HEATR5B: variants seen among roughly 807,000 people sequenced by gnomAD.
HEATR5B encodes the protein HEAT repeat-containing protein 5B.
A neutral mutation model predicts 224.1 loss-of-function variants in HEATR5B; 156 were observed. The observed-to-expected ratio is 0.70, with a 90% CI of 0.61 to 0.80. The LOEUF (loss-of-function observed/expected upper bound fraction) is 0.80. Ranked by LOEUF, HEATR5B falls within the 30% of genes least tolerant of loss-of-function variation. HEATR5B has a pLI of 0.00. For synonymous variants in HEATR5B, 1,027 were observed against 893.0 expected, an observed-to-expected ratio of 1.15 and a Z score of -2.68; for missense variants, 2,323 against 2,535.5, an observed-to-expected ratio of 0.92 and a Z score of 1.80.
At chr2:37,044,351 C>T (rs948529740) in intron 18 of HEATR5B, among the ~76,000 whole-genome samples, 3 of 152,150 alleles carry the variant, frequency 2.0e-5, no homozygotes, top group Admixed American at 1.3e-4. Flanking sequence ...TAGTTTCATA[C>T]GAATGAAATC....
At chr2:37,028,506 T>C (rs1323449182) in intron 23 of HEATR5B, among the ~76,000 whole-genome samples, 175 bp downstream of exon 23, 1 of 152,166 alleles carries the variant, frequency 6.6e-6, no homozygotes, top group Non-Finnish European at 1.5e-5. Context: ...AAAAGCTCAT[T>C]TGTTTATAAC....
chr2:37,036,459 A>G (rs1170614357), intron 21 of HEATR5B, among the ~76,000 whole-genome samples: 4 of 151,620 alleles, frequency 2.6e-5, no homozygotes, highest in Non-Finnish European at 4.4e-5. Context: ...CTTCAATATC[A>G]TGCCCTTTGT....
At position 37,083,430 on chromosome 2, in the gene HEATR5B, T is replaced by C. The variant is rs1209285237; in HGVS notation, c.-16A>G. On this transcript the variant is annotated 5_prime_UTR_variant, in exon 2 of 36. Transcript: ENST00000233099. ...CTAACTCCATTACGGAAGTTTGAAA[T>C]TCACACCTTAAATTTAACAGAGTAA... 1.2e-6 allele frequency: 2 copies of C among 1,604,332 alleles called. No individual in the cohort carries two copies. Among genetic ancestry groups the C allele is most frequent in the East Asian group, 2.2e-5 (1 of 44,796 alleles).
At chr2:37,055,279 T>G (rs916944976) in intron 16 of HEATR5B, among the ~76,000 whole-genome samples, 1 of 141,782 alleles carries the variant, frequency 7.1e-6, no homozygotes, top group Non-Finnish European at 1.6e-5. Flanking sequence ...AATATTTATG[T>G]TATTTATTAT....
intron 21 of HEATR5B, among the ~76,000 whole-genome samples, chr2:37,037,418 C>T (rs1396277936): frequency 6.6e-6 from 1 of 151,844 alleles, no homozygotes; most frequent in Non-Finnish European, 1.5e-5. Flanking sequence ...GCTGGGATTA[C>T]AGGTGTGAGC....
chr2:37,074,537 C>T (rs1672112736), intron 5 of HEATR5B, among the ~76,000 whole-genome samples: 1 of 152,098 alleles, frequency 6.6e-6, no homozygotes, highest in East Asian at 1.9e-4. Context: ...AAGCACAATC[C>T]ATATAAGAAA....
chr2:36,982,863 TACACACACACACACACACACAC>T (rs3836070), intron 35 of HEATR5B, among the ~76,000 whole-genome samples: 8 of 126,002 alleles, frequency 6.3e-5, no homozygotes, highest in African/African-American at 2.0e-4. Context: ...CAGACACAGA[TACACACACACACACACACACAC>T]ACACACACAC....
chr2:37,036,259 T>G (rs974256070), intron 21 of HEATR5B, among the ~76,000 whole-genome samples: 2 of 152,208 alleles, frequency 1.3e-5, no homozygotes, highest in Non-Finnish European at 1.5e-5. Flanking sequence ...GTTTTATGTA[T>G]GTAGAAAGTC....
Position 37,002,535 on chromosome 2 carries a change from C to T in HEATR5B, c.5088G>A (p.Leu1696=). Residue 1696 remains leucine, a synonymous_variant, in exon 32 of 36, where the codon TTG becomes TTA. Coordinates refer to ENST00000233099, the MANE Select transcript of HEATR5B (RefSeq NM_019024.3). ...DDMEKEACTV[L]GEGGDSGGLI... The stretch of plus-strand genomic sequence containing the variant: ...GACCACCGCTGTCACCTCCTTCTCC[C>T]AATACGGTACAGGCCTCTTTTTCCA... The T allele has an allele frequency of 6.2e-7, 1 of 1,614,104 alleles. No homozygotes were observed. The highest frequency in any genetic ancestry group is 1.1e-5 in the South Asian group (1 of 91,068).
intron 19 of HEATR5B, 90 bp from the exon 20 acceptor site, chr2:37,040,608 T>C: frequency 1.1e-6 from 1 of 888,260 alleles, no homozygotes; most frequent in Non-Finnish European, 1.7e-6. Flanking sequence ...GGTATACTCT[T>C]AATATTTTTA....
intron 33 of HEATR5B, among the ~76,000 whole-genome samples, chr2:36,997,072 T>A (rs1435211772): frequency 2.0e-5 from 3 of 152,210 alleles, no homozygotes; most frequent in Non-Finnish European, 4.4e-5. Flanking sequence ...TAAGAACTCT[T>A]TGTATATTAA....
At chr2:36,993,885 G>C (rs1453844077) in intron 33 of HEATR5B, among the ~76,000 whole-genome samples, 5 of 151,966 alleles carry the variant, frequency 3.3e-5, no homozygotes. Context: ...TAGATGGCTG[G>C]TATTCTTCAA....
At chr2:36,993,125 A>T (rs1666448287) in intron 33 of HEATR5B, among the ~76,000 whole-genome samples, 1 of 152,292 alleles carries the variant, frequency 6.6e-6, no homozygotes, top group East Asian at 1.9e-4. Context: ...CTGATTCTAG[A>T]ACAGTGAGGG....
chr2:37,057,374 A>G lies in HEATR5B; in HGVS notation c.2166T>C (p.Asp722=), dbSNP rs1248157183. ...SLLRSLCHYD[D]SVLLGSWLQE... ...GAAGCCAAGAACCAAGAAGAACACTATCATCATAATGGCAGAGGGATCTGA... is the reference window on the plus strand; with the variant it reads ...GAAGCCAAGAACCAAGAAGAACACTGTCATCATAATGGCAGAGGGATCTGA... The change falls in exon 15 of 36, where the codon GAT becomes GAC. Residue 722 remains aspartate, a synonymous_variant. Coordinates refer to ENST00000233099, the MANE Select transcript of HEATR5B (RefSeq NM_019024.3). 1.9e-6 allele frequency: 3 copies of G among 1,612,502 alleles called. No homozygotes were observed. Among genetic ancestry groups the G allele is most frequent in the Non-Finnish European group, 8.5e-7 (1 of 1,179,342 alleles).
intron 35 of HEATR5B, among the ~76,000 whole-genome samples, chr2:36,984,215 A>AAAAAAAAAAAAAATATATATATAT: frequency 7.7e-5 from 6 of 77,630 alleles, no homozygotes; most frequent in Admixed American, 1.4e-4. Flanking sequence ...AAAAAAAAAA[A>AAAAAAAAAAAAAATATATATATAT]ATATATATAT....
At chr2:36,996,359 C>T (rs962161368) in intron 33 of HEATR5B, among the ~76,000 whole-genome samples, 5 of 151,418 alleles carry the variant, frequency 3.3e-5, no homozygotes, top group African/African-American at 1.2e-4. Flanking sequence ...GTGCTCGGCC[C>T]TGATTTTTCT....
At chr2:37,055,947 C>T (rs1417805654) in intron 16 of HEATR5B, among the ~76,000 whole-genome samples, 1 of 152,118 alleles carries the variant, frequency 6.6e-6, no homozygotes, top group Non-Finnish European at 1.5e-5. Flanking sequence ...ACAAAAAGAA[C>T]CAATTATGTT....
At chr2:37,058,397 G>A (rs930915441) in intron 14 of HEATR5B, 54 bp downstream of exon 14, 41 of 986,080 alleles carry the variant, frequency 4.2e-5, no homozygotes, top group Middle Eastern at 5.8e-4. Flanking sequence ...TCTATAATAC[G>A]GTGAAGAATT....
At position 37,075,490 on chromosome 2, in the gene HEATR5B, C is replaced by T; in HGVS notation, c.592G>A (p.Ala198Thr). The T allele has an allele frequency of 6.2e-7, 1 of 1,611,008 alleles. No individual in the cohort carries two copies. Among genetic ancestry groups the T allele is most frequent in the South Asian group, 1.1e-5 (1 of 90,702 alleles). The change falls in exon 5 of 36, where the codon GCC becomes ACC. Residue 198 changes from alanine to threonine, a missense_variant. Ala to Thr is a moderately conservative substitution (Grantham distance 58). Coordinates refer to ENST00000233099, the MANE Select transcript of HEATR5B (RefSeq NM_019024.3). ...TAAATTGGTCGAGTACTAACCTTGGCCACTGCACATCGAACAGCCATTGAC... is the reference window on the plus strand; with the variant it reads ...TAAATTGGTCGAGTACTAACCTTGGTCACTGCACATCGAACAGCCATTGAC... ...DRSMAVRCAVAKCLLELQNEA... is the reference protein window; with the variant it reads ...DRSMAVRCAVTKCLLELQNEA...
Sources: gnomAD v4.1 joint callset for allele counts (sites outside exome capture counted in the v4.1 genomes callset) on GRCh38, gnomAD v4.1.1 for gene constraint, MANE v1.5 for transcripts, NCBI Gene and HGNC (gene_info 2026-07-23, HGNC 2026-07-21) for gene names.